Variants in BFSP1 observed in about 807,000 individuals in gnomAD.
BFSP1 encodes beaded filament structural protein 1.
BFSP1 carries 38 observed loss-of-function variants against 43.9 expected under a neutral mutation model. That is an observed-to-expected ratio of 0.87 (90% CI 0.67 to 1.14). BFSP1 has a LOEUF of 1.14. Ranked by LOEUF, BFSP1 falls within the 50% of genes most tolerant of loss-of-function variation. The pLI is 0.00. For missense variants in BFSP1, 850 were observed against 875.1 expected, an observed-to-expected ratio of 0.97 and a Z score of 0.36; for synonymous variants, 352 against 354.8, an observed-to-expected ratio of 0.99 and a Z score of 0.09.
At chr20:17,504,267 G>A (rs775513975) in intron 5 of BFSP1, among the ~76,000 whole-genome samples, 1 of 152,192 alleles carries the variant, frequency 6.6e-6, no homozygotes, top group Non-Finnish European at 1.5e-5. Context: ...TGATGACTTG[G>A]TTTATAAAAG....
intron 1 of BFSP1, 55 bp downstream of exon 1, chr20:17,530,898 C>T: frequency 1.5e-6 from 2 of 1,326,900 alleles, no homozygotes; most frequent in South Asian, 1.9e-5. Flanking sequence ...CCCAGCCCCG[C>T]GCCGCCGGGA....
intron 1 of BFSP1, chr20:17,565,521 A>T: frequency 6.6e-6 from 1 of 152,262 alleles, no homozygotes; most frequent in East Asian, 1.9e-4. Context: ...GAAATGATTT[A>T]TTGATAATGG....
chr20:17,501,627 C>T (rs1407108094), intron 5 of BFSP1, among the ~76,000 whole-genome samples: 1 of 151,724 alleles, frequency 6.6e-6, no homozygotes, highest in African/African-American at 2.4e-5. Flanking sequence ...GGTGTTCAGC[C>T]ATAGATCTGT....
At chr20:17,512,489 G>A (rs975111410) in intron 3 of BFSP1, among the ~76,000 whole-genome samples, 3 of 152,166 alleles carry the variant, frequency 2.0e-5, no homozygotes, top group African/African-American at 7.2e-5. Flanking sequence ...GGCCAAGGCA[G>A]GTGGATTGCT....
intron 1 of BFSP1, among the ~76,000 whole-genome samples, chr20:17,538,138 AAGAG>A (rs1000888996): frequency 8.1e-5 from 12 of 147,406 alleles, no homozygotes; most frequent in African/African-American, 2.7e-4. Flanking sequence ...AAAAAAAAGA[AAGAG>A]AGAAAGGAAA....
chr20:17,529,395 T>TA lies in BFSP1; in HGVS notation c.377+1557dup, dbSNP rs558631409. On this transcript the variant is annotated intron_variant, in intron 1 of 7. Transcript: ENST00000377873. ...CCAGCCCATAGTTAAATAATTTTTT[T>TA]AAAGATATAAAAAGATGTTCTGTTA... Among the ~76,000 whole-genome samples, 823 of 152,298 alleles carry TA rather than the reference T, an allele frequency of 5.4e-3. 6 individuals carry two copies. Among genetic ancestry groups the TA allele is most frequent in the African/African-American group, 0.019 (781 of 41,546 alleles).
rs772902743 is a variant in BFSP1 at position 17,512,088 on chromosome 20, A to G, written c.535-20T>C. On this transcript the variant is annotated intron_variant, in intron 3 of 7. Transcript: ENST00000377873. ...AAGATTCTGTTGGGGGAGGGAAAAC[A>G]TTCTCATTATAAGTTGAGCTGCGCT... 1.3e-6 allele frequency: 2 copies of G among 1,564,888 alleles called. No individual in the cohort carries two copies. The highest frequency in any genetic ancestry group is 3.3e-5 in the Admixed American group (2 of 59,928).
At chr20:17,514,475 T>C (rs1250669014) in intron 3 of BFSP1, among the ~76,000 whole-genome samples, 3 of 152,204 alleles carry the variant, frequency 2.0e-5, no homozygotes, top group African/African-American at 4.8e-5. Flanking sequence ...TAAATTATAC[T>C]GTACAATATA....
At chr20:17,553,383 A>C (rs934530034) in intron 1 of BFSP1, among the ~76,000 whole-genome samples, 5 of 152,180 alleles carry the variant, frequency 3.3e-5, no homozygotes, top group Admixed American at 2.0e-4. Flanking sequence ...GTAGACAAAA[A>C]AACAAAAACA....
rs1239474337 is a variant in BFSP1 at position 17,494,380 on chromosome 20, C to T, written c.1692G>A (p.Glu564=). 1.2e-6 allele frequency: 2 copies of T among 1,614,226 alleles called. No individual in the cohort carries two copies. Among genetic ancestry groups the T allele is most frequent in the Non-Finnish European group, 1.7e-6 (2 of 1,180,042 alleles). The change falls in exon 8 of 8, where the codon GAG becomes GAA. Residue 564 remains glutamate (E), a synonymous_variant. Coordinates refer to ENST00000377873, the MANE Select transcript of BFSP1 (RefSeq NM_001195.5). ...EGPEEKREGE[E]RDEESRRPCA... ...AGGGTCTCCTGGACTCTTCGTCCCGCTCCTCACCCTCACGTTTCTCTTCAG... is the reference window on the plus strand; with the variant it reads ...AGGGTCTCCTGGACTCTTCGTCCCGTTCCTCACCCTCACGTTTCTCTTCAG...
Position 17,494,974 on chromosome 20 carries a change from G to A in BFSP1, c.1098C>T (p.Leu366=). Residue 366 remains leucine, a synonymous_variant, in exon 8 of 8, where the codon CTC becomes CTT. Coordinates refer to ENST00000377873, the MANE Select transcript of BFSP1 (RefSeq NM_001195.5). ...ITAAKPRQKA[L]PKNVPRRKEI... The stretch of plus-strand genomic sequence containing the variant: ...CTTTTCTCCTTGGAACATTCTTGGG[G>A]AGGGCTTTTTGTCTTGGTTTTGCTG... The A allele has an allele frequency of 6.2e-6, 10 of 1,614,004 alleles. No homozygotes were observed. The highest frequency in any genetic ancestry group is 7.6e-6 in the Non-Finnish European group (9 of 1,180,010).
chr20:17,509,969 G>A (rs1013100468), intron 4 of BFSP1, among the ~76,000 whole-genome samples: 2 of 152,172 alleles, frequency 1.3e-5, no homozygotes, highest in Non-Finnish European at 2.9e-5. Flanking sequence ...CTACAATGAG[G>A]GTTTCTGTGT....
intron 4 of BFSP1, among the ~76,000 whole-genome samples, chr20:17,511,362 A>G (rs1038793878): frequency 6.6e-6 from 1 of 152,210 alleles, no homozygotes; most frequent in African/African-American, 2.4e-5. Flanking sequence ...TTGGAAATAT[A>G]TTCACTAATT....
At chr20:17,547,734 C>CTTTT (rs34519380) in intron 1 of BFSP1, among the ~76,000 whole-genome samples, 4 of 136,214 alleles carry the variant, frequency 2.9e-5, no homozygotes, top group African/African-American at 8.1e-5. Flanking sequence ...CTTTTTCTTT[C>CTTTT]TTTTTTTTTT....
intron 1 of BFSP1, chr20:17,565,954 TTAAAAG>T (rs2035113936): frequency 6.6e-6 from 1 of 151,830 alleles, no homozygotes; most frequent in Non-Finnish European, 1.5e-5. Flanking sequence ...CCCATCTCTA[TTAAAAG>T]TACAAAAATT....
chr20:17,550,241 A>C (rs1025336392), intron 1 of BFSP1, among the ~76,000 whole-genome samples: 1 of 152,182 alleles, frequency 6.6e-6, no homozygotes, highest in Non-Finnish European at 1.5e-5. Flanking sequence ...AGCTTATTAA[A>C]AGCCACTTAG....
In BFSP1 at chr20:17,509,332, CCAA is replaced by C. The variant is rs2034021339; in HGVS notation, c.628-339_628-337del. 2.0e-5 allele frequency among the ~76,000 whole-genome samples: 3 copies of C among 150,756 alleles called. No individual in the cohort carries two copies. The South Asian group carries it at 6.3e-4, about 31-fold the overall frequency. ...CCAGAAAGAGAGCCCTCACCAGACA[CCAA>C]TTCTGCTGGCATCTTGATCTTGGAC... is the stretch of plus-strand genomic sequence containing the variant. On this transcript the variant is annotated intron_variant, in intron 4 of 7. Transcript: ENST00000377873.
At position 17,498,850 on chromosome 20, in the gene BFSP1, T is replaced by C; in HGVS notation, c.926A>G (p.Tyr309Cys). ...GCCTTCAATCTCGATGATACGATGA[T>C]ACCGGTCCAGCTCATTCTTCAGGGT... ...QQTLKNELDR[Y>C]HRIIEIEGNR... The change falls in exon 6 of 8, where the codon TAT (tyrosine) becomes TGT (cysteine). Residue 309 changes from tyrosine (Y) to cysteine (C), a missense_variant. Transcript: ENST00000377873. 1.2e-6 allele frequency: 2 copies of C among 1,613,454 alleles called. No individual in the cohort carries two copies. The highest frequency in any genetic ancestry group is 2.2e-5 in the South Asian group (2 of 91,044).
upstream of BFSP1, among the ~76,000 whole-genome samples, chr20:17,561,756 C>A (rs2035068966): frequency 6.6e-6 from 1 of 152,104 alleles, no homozygotes; most frequent in Non-Finnish European, 1.5e-5. Context: ...GTTCATTTAT[C>A]CTTGCACTGG....
Sources: gnomAD v4.1 joint callset for allele counts (sites outside exome capture counted in the v4.1 genomes callset) on GRCh38, gnomAD v4.1.1 for gene constraint, MANE v1.5 for transcripts, NCBI Gene and HGNC (gene_info 2026-07-23, HGNC 2026-07-21) for gene names.